TG: variants seen among roughly 807,000 people sequenced by gnomAD.
TG encodes the protein thyroglobulin.
A neutral mutation model predicts 324.7 loss-of-function variants in TG; 270 were observed. The ratio of observed to expected loss-of-function variants is 0.83; its 90% CI spans 0.75 to 0.92. The LOEUF (loss-of-function observed/expected upper bound fraction) is 0.92, where lower values mean the gene tolerates loss of function less well. Among genes scored for constraint, TG ranks in the 40% least tolerant of loss-of-function variants. The pLI, the probability that TG is intolerant of heterozygous loss-of-function variation, is 0.00. For synonymous variants in TG, 1,401 were observed against 1,327.0 expected, an observed-to-expected ratio of 1.06 and a Z score of -1.21; for missense variants, 3,591 against 3,456.4, an observed-to-expected ratio of 1.04 and a Z score of -0.98.
chr8:133,081,344 T>A (rs1443158776), intron 41 of TG, among the ~76,000 whole-genome samples: 2 of 152,210 alleles, frequency 1.3e-5, no homozygotes, highest in South Asian at 2.1e-4. Flanking sequence ...AGTAAATAAA[T>A]TGTGAATGGT....
chr8:133,063,224 C>A (rs1842627903), intron 41 of TG, among the ~76,000 whole-genome samples: 1 of 151,992 alleles, frequency 6.6e-6, no homozygotes, highest in Non-Finnish European at 1.5e-5. Flanking sequence ...TGCCCAGAAC[C>A]CCGCCCCCAT....
chr8:133,110,893 C>A (rs944296475), intron 43 of TG, among the ~76,000 whole-genome samples: 3 of 152,178 alleles, frequency 2.0e-5, no homozygotes, highest in Admixed American at 6.5e-5. Context: ...GAACAACCAG[C>A]CACGACTAGG....
At chr8:133,055,361 G>GCACA (rs746605171) in intron 41 of TG, among the ~76,000 whole-genome samples, 14 of 131,658 alleles carry the variant, frequency 1.1e-4, no homozygotes, top group Admixed American at 2.5e-4. Context: ...ACACACGCAC[G>GCACA]CGCGCACACA....
Position 132,886,740 on chromosome 8 carries a change from T to C in TG, c.1368T>C (p.Leu456=), listed in dbSNP as rs1353716710. 11 of 1,614,110 alleles carry C rather than the reference T, an allele frequency of 6.8e-6. No individual in the cohort carries two copies. The highest frequency in any genetic ancestry group is 9.3e-6 in the Non-Finnish European group (11 of 1,180,058). Residue 456 remains leucine (L), a synonymous_variant, in exon 9 of 48, where the codon CTT becomes CTC. Transcript: ENST00000220616. ...TTCCCTCCCGAGGGCTGGCTCGTCT[T>C]GCCCTTCAGTTTACCACCAACCCAA... is the stretch of plus-strand genomic sequence containing the variant. ...AIFPSRGLAR[L]ALQFTTNPKR...
intron 2 of TG, among the ~76,000 whole-genome samples, chr8:132,868,816 A>G (rs1014746408): frequency 3.3e-5 from 5 of 152,232 alleles, no homozygotes; most frequent in Admixed American, 2.6e-4. Context: ...GTAATAATCT[A>G]GACAATTCTT....
rs73357245 is a variant in TG at position 132,995,386 on chromosome 8, C to T, written c.6262+11974C>T. ...CACAGGTCTCTAACGTGGAGGGCAACGGTGCCGCCTTAGGAGTCTGTCTGT... is the reference window on the plus strand; with the variant it reads ...CACAGGTCTCTAACGTGGAGGGCAATGGTGCCGCCTTAGGAGTCTGTCTGT... On this transcript the variant is annotated intron_variant, in intron 35 of 47. Transcript: ENST00000220616. The T allele has an allele frequency of 4.7e-3, 4,613 of 985,212 alleles. 169 individuals are homozygous for T. In the African/African-American group the frequency reaches 0.075, roughly 16 times the overall value. 61.0% of individuals were successfully genotyped at this position (985,212 alleles called of 1,614,324 possible). A position where few individuals can be genotyped will look rare whatever the true frequency, so the allele number is the denominator to read the frequency against.
At chr8:132,929,242 C>T (rs1178010422) in intron 23 of TG, 50 bp downstream of exon 23, 3 of 1,431,732 alleles carry the variant, frequency 2.1e-6, no homozygotes, top group South Asian at 1.1e-5. Flanking sequence ...TGGAAATAAG[C>T]TCTGCTGAGA....
At chr8:133,100,734 T>G (rs1049857433) in intron 43 of TG, among the ~76,000 whole-genome samples, 1 of 152,316 alleles carries the variant, frequency 6.6e-6, no homozygotes, top group Admixed American at 6.5e-5. Flanking sequence ...GTATGCTGGG[T>G]ACTGAAATGT....
intron 41 of TG, chr8:133,038,052 A>T (rs2131043284): frequency 5.9e-6 from 1 of 169,524 alleles, no homozygotes; most frequent in East Asian, 1.8e-4. Context: ...AAGTAGTTCC[A>T]TTCAGGGCAC....
At chr8:132,897,396 T>G (rs991081130) in intron 11 of TG, among the ~76,000 whole-genome samples, 3 of 152,226 alleles carry the variant, frequency 2.0e-5, no homozygotes, top group Admixed American at 6.5e-5. Flanking sequence ...GATTTCTGTA[T>G]GGAAGTTATT....
At chr8:133,080,032 G>A (rs558049174) in intron 41 of TG, among the ~76,000 whole-genome samples, 82 of 152,234 alleles carry the variant, frequency 5.4e-4, no homozygotes, top group Middle Eastern at 6.8e-3. Context: ...TGGGTATGGA[G>A]TTAGAGAAAT....
At chr8:133,005,957 T>G (rs1189782696) in intron 35 of TG, among the ~76,000 whole-genome samples, 1 of 152,158 alleles carries the variant, frequency 6.6e-6, no homozygotes, top group South Asian at 2.1e-4. Context: ...CTACTCCATC[T>G]TCTCCCTGCA....
intron 23 of TG, among the ~76,000 whole-genome samples, chr8:132,930,654 C>T (rs947074632): frequency 2.0e-5 from 3 of 150,272 alleles, no homozygotes; most frequent in Non-Finnish European, 3.0e-5. Context: ...CATTGCACTC[C>T]AGCCTGGGCA....
intron 38 of TG, among the ~76,000 whole-genome samples, chr8:133,018,529 G>GT (rs5895169): frequency 0.014 from 2,045 of 147,628 alleles, 41 homozygotes; most frequent in African/African-American, 0.044. Context: ...AAAATTACAA[G>GT]TTTTTTTTTT....
At chr8:133,012,431 T>TCCCAAA (rs1834603681) in intron 36 of TG, among the ~76,000 whole-genome samples, 1 of 152,228 alleles carries the variant, frequency 6.6e-6, no homozygotes, top group Non-Finnish European at 1.5e-5. Flanking sequence ...ATTGTTTTGG[T>TCCCAAA]AAAACTCAAA....
chr8:132,884,817 A>G (rs1195151650), intron 8 of TG, among the ~76,000 whole-genome samples: 2 of 152,262 alleles, frequency 1.3e-5, no homozygotes, highest in Admixed American at 1.3e-4. Context: ...CAAATGCCAC[A>G]TGGAAACAGT....
chr8:132,894,013 G>A, intron 11 of TG, 84 bp downstream of exon 11: 6 of 1,607,790 alleles, frequency 3.7e-6, no homozygotes, highest in Non-Finnish European at 5.1e-6. Context: ...GTCATCCTTA[G>A]GACTTTGTGG....
At chr8:133,045,142 G>T (rs768592921) in intron 41 of TG, 1 of 1,612,998 alleles carries the variant, frequency 6.2e-7, no homozygotes, top group Non-Finnish European at 8.5e-7. Flanking sequence ...ATAAGTCAGT[G>T]GGCTCCACCT....
chr8:133,085,991 T>A (rs1846492086), intron 41 of TG, among the ~76,000 whole-genome samples: 1 of 152,232 alleles, frequency 6.6e-6, no homozygotes, highest in Admixed American at 6.5e-5. Context: ...AGCCAATGAG[T>A]AGGTAAGCAA....
Sources: gnomAD v4.1 joint callset for allele counts (sites outside exome capture counted in the v4.1 genomes callset) on GRCh38, gnomAD v4.1.1 for gene constraint, MANE v1.5 for transcripts, NCBI Gene and HGNC (gene_info 2026-07-23, HGNC 2026-07-21) for gene names.